CDH12: variants seen among roughly 807,000 people sequenced by gnomAD.
The protein encoded by CDH12 is cadherin 12, also known as cadherin-12.
In CDH12, 41 loss-of-function variants were observed where a neutral mutation model predicts 74.1. The observed-to-expected ratio is 0.55, with a 90% CI of 0.43 to 0.72. CDH12 has a LOEUF of 0.72. Ranked by LOEUF, CDH12 falls within the 30% of genes least tolerant of loss-of-function variation. CDH12 has a pLI of 0.00. For synonymous variants in CDH12, 399 were observed against 355.0 expected, an observed-to-expected ratio of 1.12 and a Z score of -1.39; for missense variants, 945 against 977.2, an observed-to-expected ratio of 0.97 and a Z score of 0.44.
intron 1 of CDH12, among the ~76,000 whole-genome samples, chr5:22,747,601 C>T (rs1228300695): frequency 3.8e-4 from 37 of 98,158 alleles, no homozygotes; most frequent in East Asian, 3.7e-3. Flanking sequence ...CAGAGTGAGA[C>T]GCTGCCAAAA....
chr5:21,764,504 C>T (rs1315181723), intron 12 of CDH12, among the ~76,000 whole-genome samples: 2 of 151,596 alleles, frequency 1.3e-5, no homozygotes, highest in African/African-American at 4.8e-5. Flanking sequence ...AAAAAATTAG[C>T]TGGGCATGGT....
intron 5 of CDH12, among the ~76,000 whole-genome samples, chr5:22,018,139 T>G (rs1737722565): frequency 6.6e-6 from 1 of 152,144 alleles, no homozygotes; most frequent in African/African-American, 2.4e-5. Flanking sequence ...ATAAATGTGT[T>G]TGCTCTTGTT....
At chr5:21,887,973 G>A (rs1475303823) in intron 6 of CDH12, among the ~76,000 whole-genome samples, 1 of 151,356 alleles carries the variant, frequency 6.6e-6, no homozygotes, top group Non-Finnish European at 1.5e-5. Context: ...ACTAATTAAC[G>A]AGCCAGTTCA....
intron 3 of CDH12, among the ~76,000 whole-genome samples, chr5:22,390,024 C>CACACACA (rs1440015036): frequency 1.3e-5 from 2 of 151,788 alleles, no homozygotes; most frequent in East Asian, 3.9e-4. Context: ...TACACACACA[C>CACACACA]ACACACACAC....
Position 22,037,310 on chromosome 5 carries a change from G to A in CDH12, c.231+41136C>T, listed in dbSNP as rs151269422. On this transcript the variant is annotated intron_variant, in intron 5 of 14. Transcript: ENST00000382254. ...CTGGGTTGTCAGAGGGGCCTGAGCA[G>A]AAGGATTCTAAAGACAGTCAAAGAA... 1.6e-3 allele frequency among the ~76,000 whole-genome samples: 239 copies of A among 152,270 alleles called. 3 individuals are homozygous for A. Among genetic ancestry groups the A allele is most frequent in the African/African-American group, 5.4e-3 (225 of 41,574 alleles).
At chr5:22,151,092 C>T (rs189596942) in intron 4 of CDH12, among the ~76,000 whole-genome samples, 1 of 152,126 alleles carries the variant, frequency 6.6e-6, no homozygotes, top group Non-Finnish European at 1.5e-5. Context: ...ATTAATTAAT[C>T]CATTTAATTC....
chr5:22,060,578 G>A (rs958056541), intron 5 of CDH12, among the ~76,000 whole-genome samples: 2 of 152,082 alleles, frequency 1.3e-5, no homozygotes, highest in African/African-American at 4.8e-5. Flanking sequence ...ATATTTAAAT[G>A]ATTTCTGACA....
intron 14 of CDH12, among the ~76,000 whole-genome samples, chr5:21,754,902 G>T (rs758736395): frequency 6.6e-6 from 1 of 152,068 alleles, no homozygotes; most frequent in Non-Finnish European, 1.5e-5. Context: ...CTTCCTAATA[G>T]GTTTATATTC....
intron 3 of CDH12, among the ~76,000 whole-genome samples, chr5:22,262,306 C>T (rs1246693838): frequency 8.4e-5 from 11 of 130,966 alleles, no homozygotes; most frequent in Non-Finnish European, 1.4e-4. Flanking sequence ...GTGTGATATT[C>T]CCCTTCCTGT....
At chr5:22,229,866 C>A (rs1580427380) in intron 3 of CDH12, among the ~76,000 whole-genome samples, 1 of 151,984 alleles carries the variant, frequency 6.6e-6, no homozygotes, top group African/African-American at 2.4e-5. Flanking sequence ...TTGATACACA[C>A]ACACACACAC....
chr5:21,825,472 T>C (rs1748618893), intron 8 of CDH12, among the ~76,000 whole-genome samples: 1 of 152,194 alleles, frequency 6.6e-6, no homozygotes, highest in African/African-American at 2.4e-5. Flanking sequence ...AGAGTTATTC[T>C]TGATGAGACA....
chr5:22,716,438 G>A (rs1331510167), intron 1 of CDH12, among the ~76,000 whole-genome samples: 1 of 152,042 alleles, frequency 6.6e-6, no homozygotes, highest in Non-Finnish European at 1.5e-5. Context: ...TCATGTGTTT[G>A]TGAGGATGCT....
rs901149515 is a variant in CDH12 at position 22,545,145 on chromosome 5, T to G, written c.-522-39781A>C. 3.3e-5 allele frequency among the ~76,000 whole-genome samples: 5 copies of G among 152,308 alleles called. No homozygotes were observed. The East Asian group carries it at 5.8e-4, about 18-fold the overall frequency. On this transcript the variant is annotated intron_variant, in intron 1 of 14. Coordinates refer to ENST00000382254, the MANE Select transcript of CDH12 (RefSeq NM_004061.5). ...GCAGAGAAGGACAGTTTCCTAAACC[T>G]GAATTTATTATGTTATTGTGCTGGG... is the stretch of plus-strand genomic sequence containing the variant.
chr5:22,814,327 G>A (rs1749286946), intron 1 of CDH12, among the ~76,000 whole-genome samples: 1 of 152,046 alleles, frequency 6.6e-6, no homozygotes, highest in Non-Finnish European at 1.5e-5. Flanking sequence ...AAGATAATTT[G>A]AAACTAAAAT....
chr5:22,098,600 C>T (rs1388715090), intron 4 of CDH12, among the ~76,000 whole-genome samples: 1 of 152,198 alleles, frequency 6.6e-6, no homozygotes, highest in African/African-American at 2.4e-5. Flanking sequence ...TCCCACCTGA[C>T]ACATATACTT....
intron 5 of CDH12, among the ~76,000 whole-genome samples, chr5:22,008,531 C>T (rs2150150421): frequency 6.6e-6 from 1 of 152,284 alleles, no homozygotes; most frequent in African/African-American, 2.4e-5. Flanking sequence ...ACCCGACTTA[C>T]AAGCTCCTTA....
chr5:22,450,135 T>C (rs922711630), intron 2 of CDH12, among the ~76,000 whole-genome samples: 1 of 152,022 alleles, frequency 6.6e-6, no homozygotes, highest in African/African-American at 2.4e-5. Context: ...TCTTGAAAAC[T>C]GCATTAATCT....
At chr5:22,817,993 T>G (rs2126466469) in intron 1 of CDH12, among the ~76,000 whole-genome samples, 1 of 152,178 alleles carries the variant, frequency 6.6e-6, no homozygotes, top group South Asian at 2.1e-4. Flanking sequence ...GAATAAAAAG[T>G]GGAAGGGTTG....
At chr5:22,812,522 C>T (rs1238280612) in intron 1 of CDH12, among the ~76,000 whole-genome samples, 1 of 152,122 alleles carries the variant, frequency 6.6e-6, no homozygotes, top group African/African-American at 2.4e-5. Context: ...CATAAGTTTA[C>T]AGATTGCAAA....
Sources: gnomAD v4.1 joint callset for allele counts (sites outside exome capture counted in the v4.1 genomes callset) on GRCh38, gnomAD v4.1.1 for gene constraint, MANE v1.5 for transcripts, NCBI Gene and HGNC (gene_info 2026-07-23, HGNC 2026-07-21) for gene names.